SLC37A3: variants seen among roughly 807,000 people sequenced by gnomAD.
The protein encoded by SLC37A3 is solute carrier family 37 member 3, also known as sugar phosphate exchanger 3.
In SLC37A3, 51 loss-of-function variants were observed where a neutral mutation model predicts 67.1. That is an observed-to-expected ratio of 0.76 (90% CI 0.61 to 0.96). SLC37A3 has a LOEUF of 0.96. Ranked by LOEUF, SLC37A3 falls within the 40% of genes least tolerant of loss-of-function variation. SLC37A3 has a pLI of 0.00. For synonymous variants in SLC37A3, 214 were observed against 231.4 expected (o/e 0.92, Z 0.68); for missense variants, 508 against 603.0 (o/e 0.84, Z 1.65).
intron 3 of SLC37A3, among the ~76,000 whole-genome samples, chr7:140,374,851 CT>C (rs1797962935): frequency 2.0e-5 from 3 of 151,980 alleles, no homozygotes; most frequent in African/African-American, 7.3e-5. Context: ...GAGCAAGACC[CT>C]GTCTTAAAAA....
intron 1 of SLC37A3, among the ~76,000 whole-genome samples, chr7:140,395,379 T>TAAAAAAA (rs35674101): frequency 9.0e-5 from 7 of 77,802 alleles, no homozygotes; most frequent in Admixed American, 1.9e-4. Context: ...CATCTCAAAT[T>TAAAAAAA]AAAAAAAAAA....
At chr7:140,359,258 G>A (rs1296181041) in intron 5 of SLC37A3, among the ~76,000 whole-genome samples, 1 of 151,582 alleles carries the variant, frequency 6.6e-6, no homozygotes, top group Non-Finnish European at 1.5e-5. Flanking sequence ...CAGGAGAATG[G>A]CATGAACCTG....
At chr7:140,384,933 G>A (rs1798394841) in intron 1 of SLC37A3, among the ~76,000 whole-genome samples, 1 of 152,108 alleles carries the variant, frequency 6.6e-6, no homozygotes. Context: ...CAGCTCAACA[G>A]ATGCACCCAA....
At chr7:140,361,591 G>A (rs1318227388) in intron 5 of SLC37A3, among the ~76,000 whole-genome samples, 1 of 141,904 alleles carries the variant, frequency 7.0e-6, no homozygotes, top group Non-Finnish European at 1.5e-5. Context: ...GTCTCCCTCT[G>A]ATGCCGAGCC....
At chr7:140,362,149 G>A (rs1585304843) in intron 5 of SLC37A3, among the ~76,000 whole-genome samples, 2 of 139,606 alleles carry the variant, frequency 1.4e-5, no homozygotes, top group Non-Finnish European at 3.1e-5. Flanking sequence ...AGCGAGGAGC[G>A]CCTCTTCCCC....
chr7:140,348,427 C>G, intron 10 of SLC37A3, 199 bp downstream of exon 10: 1 of 556,770 alleles, frequency 1.8e-6, no homozygotes, highest in Admixed American at 4.2e-5. Context: ...GTCTTCCTTT[C>G]TATGGACCTC....
At position 140,369,654 on chromosome 7, in the gene SLC37A3, C is replaced by A. The variant is rs762021163; in HGVS notation, c.227G>T (p.Ser76Ile). The change falls in exon 4 of 15, where the codon AGT becomes ATT. Residue 76 changes from serine to isoleucine, a missense_variant. Physicochemically the swap from Ser to Ile is moderately radical, Grantham distance 142. Coordinates refer to ENST00000326232, the MANE Select transcript of SLC37A3 (RefSeq NM_207113.3). ...EIWSSNHLFPSAEKATLFLGT... is the reference protein window; with the variant it reads ...EIWSSNHLFPIAEKATLFLGT... Reference sequence around the variant, plus strand: ...GAGGAAAAGAGTCGCTTTCTCTGCACTGGGGAACAAATGGTTGCTGCTCCA... The same window carrying A: ...GAGGAAAAGAGTCGCTTTCTCTGCAATGGGGAACAAATGGTTGCTGCTCCA... The A allele has an allele frequency of 8.7e-6, 14 of 1,613,830 alleles. No individual in the cohort carries two copies. The highest frequency in any genetic ancestry group is 1.1e-5 in the Non-Finnish European group (13 of 1,179,972).
chr7:140,397,223 T>C (rs1798972610), intron 1 of SLC37A3, among the ~76,000 whole-genome samples: 1 of 143,978 alleles, frequency 6.9e-6, no homozygotes, highest in South Asian at 2.3e-4. Flanking sequence ...AGACAGAGTC[T>C]GGCTCTGTCA....
chr7:140,364,554 C>T (rs1797523671), intron 4 of SLC37A3, 63 bp from the exon 5 acceptor site: 8 of 1,414,870 alleles, frequency 5.7e-6, no homozygotes, highest in South Asian at 4.8e-5. Flanking sequence ...AAGTAACATG[C>T]ACTGCAAAGC....
chr7:140,388,621 G>A (rs563440068), intron 1 of SLC37A3, among the ~76,000 whole-genome samples: 6 of 152,128 alleles, frequency 3.9e-5, no homozygotes, highest in Admixed American at 3.3e-4. Flanking sequence ...GACCAGCCTG[G>A]CCAACATGGC....
chr7:140,348,435 C>T, intron 10 of SLC37A3, 191 bp downstream of exon 10: 2 of 596,806 alleles, frequency 3.4e-6, no homozygotes, highest in Non-Finnish European at 5.2e-6. Flanking sequence ...TTCTATGGAC[C>T]TCTTGTTTTT....
intron 5 of SLC37A3, among the ~76,000 whole-genome samples, chr7:140,359,329 C>A (rs1415400019): frequency 4.9e-5 from 7 of 142,744 alleles, no homozygotes; most frequent in African/African-American, 7.7e-5. Context: ...CGCGGGAGTG[C>A]GAGACTCTGT....
chr7:140,334,200 A>G lies in SLC37A3; in HGVS notation c.*1212T>C, dbSNP rs1413282866. The G allele has an allele frequency of 1.3e-5, 2 of 152,240 alleles. No homozygotes were observed. Among genetic ancestry groups the G allele is most frequent in the East Asian group, 1.9e-4 (1 of 5,206 alleles). The allele number at this position is 152,240 out of a possible 1,614,324, so 9.4% of individuals were successfully genotyped here. On this transcript the variant is annotated 3_prime_UTR_variant, in exon 15 of 15. Coordinates refer to ENST00000326232, the MANE Select transcript of SLC37A3 (RefSeq NM_207113.3). ...AATGGTTGCAATTTCAACATAATGT[A>G]CAATATTCAATAAATTACATGATAT...
At chr7:140,344,382 C>T (rs949533233) in intron 12 of SLC37A3, among the ~76,000 whole-genome samples, 9 of 151,402 alleles carry the variant, frequency 5.9e-5, no homozygotes, top group Non-Finnish European at 8.8e-5. Flanking sequence ...TAGCTGAGAT[C>T]GCACCACTGC....
intron 7 of SLC37A3, among the ~76,000 whole-genome samples, chr7:140,353,584 T>A (rs915673277): frequency 6.6e-6 from 1 of 152,202 alleles, no homozygotes; most frequent in Admixed American, 6.5e-5. Context: ...TGTTCATTTT[T>A]ACTGCCCAGA....
chr7:140,355,796 CA>C, intron 6 of SLC37A3, 32 bp from the exon 7 acceptor site: 1 of 1,585,840 alleles, frequency 6.3e-7, no homozygotes, highest in Non-Finnish European at 8.7e-7. Context: ...GACAAAGGGC[CA>C]TGGTCAGAAG....
intron 13 of SLC37A3, among the ~76,000 whole-genome samples, chr7:140,341,050 C>T (rs1796343446): frequency 6.6e-6 from 1 of 152,156 alleles, no homozygotes; most frequent in Non-Finnish European, 1.5e-5. Flanking sequence ...ATCCTCCTGT[C>T]TCAGCCTCCT....
intron 1 of SLC37A3, among the ~76,000 whole-genome samples, chr7:140,395,004 A>T (rs1798862611): frequency 6.6e-6 from 1 of 152,084 alleles, no homozygotes; most frequent in Admixed American, 6.6e-5. Flanking sequence ...ATATCATTTA[A>T]GGGTAAAGGT....
At position 140,350,494 on chromosome 7, in the gene SLC37A3, G is replaced by A. The variant is rs533023218; in HGVS notation, c.882+779C>T. On this transcript the variant is annotated intron_variant, in intron 9 of 14. Coordinates refer to ENST00000326232, the MANE Select transcript of SLC37A3 (RefSeq NM_207113.3). ...TTTAAAAGGGGGCAAGCCAGGCGCG[G>A]TGGCTCACGCCTGTAATCCCAGCAT... Among the ~76,000 whole-genome samples the A allele has an allele frequency of 2.0e-5, 3 of 152,302 alleles. No homozygotes were observed. The East Asian group carries it at 5.8e-4, about 29-fold the overall frequency.
Sources: allele counts gnomAD v4.1 joint callset (sites outside exome capture counted in the v4.1 genomes callset), GRCh38; gene constraint gnomAD v4.1.1; transcripts MANE v1.5; gene names NCBI Gene and HGNC (gene_info 2026-07-23, HGNC 2026-07-21).